Variants in EPHA3 observed in about 807,000 individuals in gnomAD.
The protein encoded by EPHA3 is ephrin type-A receptor 3.
In EPHA3, 42 loss-of-function variants were observed where a neutral mutation model predicts 107.1. The observed-to-expected ratio is 0.39, with a 90% CI of 0.31 to 0.51. The LOEUF (loss-of-function observed/expected upper bound fraction) is 0.51, where lower values mean the gene tolerates loss of function less well. Among genes scored for constraint, EPHA3 ranks in the 20% least tolerant of loss-of-function variants. EPHA3 has a pLI of 0.78. For missense variants in EPHA3, 1,183 were observed against 1,211.2 expected (o/e 0.98, Z 0.35); for synonymous variants, 461 against 424.8 (o/e 1.09, Z -1.05).
intron 2 of EPHA3, among the ~76,000 whole-genome samples, chr3:89,151,689 A>G (rs1484185650): frequency 1.3e-5 from 2 of 152,142 alleles, no homozygotes; most frequent in Admixed American, 6.6e-5. Context: ...ACTAATATAC[A>G]AACAATATAT....
intron 13 of EPHA3, among the ~76,000 whole-genome samples, chr3:89,448,326 C>T (rs142584643): frequency 3.9e-5 from 6 of 152,210 alleles, no homozygotes; most frequent in East Asian, 3.9e-4. Flanking sequence ...ATACCTATTT[C>T]GTTCTGTATC....
At position 89,407,281 on chromosome 3, in the gene EPHA3, C is replaced by G. The variant is rs777508142; in HGVS notation, c.1607C>G (p.Ser536Cys). ...TTCAACCTCACAGCTTTCTCCATCT[C>G]TGGTGAAAGTAGCCAAGTGGTCATG... ...FETSPDSFSISGESSQVVMIA... is the reference protein window; with the variant it reads ...FETSPDSFSICGESSQVVMIA... The change falls in exon 8 of 17, where the codon TCT becomes TGT. Residue 536 changes from serine to cysteine, a missense_variant. Coordinates refer to ENST00000336596, the MANE Select transcript of EPHA3 (RefSeq NM_005233.6). The G allele has an allele frequency of 1.9e-6, 3 of 1,612,942 alleles. No individual in the cohort carries two copies.
At chr3:89,383,870 G>A (rs558036634) in intron 5 of EPHA3, among the ~76,000 whole-genome samples, 1 of 151,504 alleles carries the variant, frequency 6.6e-6, no homozygotes, top group African/African-American at 2.4e-5. Flanking sequence ...GGATTGTCTC[G>A]ATCTCCTGAC....
intron 5 of EPHA3, among the ~76,000 whole-genome samples, chr3:89,354,647 G>A (rs1707905047): frequency 6.6e-6 from 1 of 151,072 alleles, no homozygotes; most frequent in African/African-American, 2.4e-5. Flanking sequence ...GGCCAAAGAG[G>A]TGAGAAGTTC....
At chr3:89,173,396 C>A (rs1705251171) in intron 2 of EPHA3, among the ~76,000 whole-genome samples, 1 of 152,054 alleles carries the variant, frequency 6.6e-6, no homozygotes, top group African/African-American at 2.4e-5. Flanking sequence ...GTACTTTTAA[C>A]TTCTCACAGC....
intron 2 of EPHA3, among the ~76,000 whole-genome samples, chr3:89,164,000 G>A (rs893869541): frequency 1.3e-5 from 2 of 152,100 alleles, no homozygotes; most frequent in Non-Finnish European, 2.9e-5. Flanking sequence ...ACAAACCAGA[G>A]TACCAAATAA....
intron 3 of EPHA3, among the ~76,000 whole-genome samples, chr3:89,219,984 A>G (rs955144886): frequency 6.6e-6 from 1 of 151,792 alleles, no homozygotes; most frequent in Admixed American, 6.6e-5. Flanking sequence ...CTGGGATTAC[A>G]GGCGTGAGCC....
intron 2 of EPHA3, among the ~76,000 whole-genome samples, chr3:89,141,998 A>T (rs573221668): frequency 6.6e-6 from 1 of 151,408 alleles, no homozygotes; most frequent in Admixed American, 6.6e-5. Context: ...AGAGTCAATT[A>T]TGGGTATTTT....
intron 1 of EPHA3, among the ~76,000 whole-genome samples, chr3:89,113,956 C>G (rs1325536707): frequency 6.6e-6 from 1 of 152,158 alleles, no homozygotes; most frequent in Non-Finnish European, 1.5e-5. Context: ...TGTTATTAAA[C>G]TAGAAGCCCT....
At chr3:89,255,212 T>TATG (rs1443781387) in intron 3 of EPHA3, among the ~76,000 whole-genome samples, 1 of 152,348 alleles carries the variant, frequency 6.6e-6, no homozygotes, top group Non-Finnish European at 1.5e-5. Flanking sequence ...GACGGAAGTC[T>TATG]ATGGTAGCAT....
At chr3:89,376,148 G>T (rs1458296680) in intron 5 of EPHA3, among the ~76,000 whole-genome samples, 1 of 151,754 alleles carries the variant, frequency 6.6e-6, no homozygotes, top group Non-Finnish European at 1.5e-5. Context: ...ATTTTAAAAA[G>T]ACCCTAGAAC....
intron 2 of EPHA3, among the ~76,000 whole-genome samples, chr3:89,146,369 C>T (rs377479084): frequency 6.6e-6 from 1 of 151,722 alleles, no homozygotes; most frequent in South Asian, 2.1e-4. Flanking sequence ...AAAAAAAAGT[C>T]ATAAAGTATT....
intron 2 of EPHA3, among the ~76,000 whole-genome samples, chr3:89,151,734 A>G (rs1229553048): frequency 6.6e-6 from 1 of 152,126 alleles, no homozygotes; most frequent in Admixed American, 6.6e-5. Context: ...TCAAACATGG[A>G]TATGTGTATA....
chr3:89,269,078 G>T (rs1238014987), intron 3 of EPHA3, among the ~76,000 whole-genome samples: 3 of 152,010 alleles, frequency 2.0e-5, no homozygotes, highest in Non-Finnish European at 4.4e-5. Context: ...AATCTACTTC[G>T]AGTGTTGCTT....
chr3:89,251,403 A>C (rs577791678), intron 3 of EPHA3, among the ~76,000 whole-genome samples: 2 of 152,216 alleles, frequency 1.3e-5, no homozygotes, highest in Admixed American at 6.5e-5. Flanking sequence ...CACAGTAACA[A>C]TTCTGGGCCA....
At chr3:89,334,373 G>A (rs1340816372) in intron 3 of EPHA3, among the ~76,000 whole-genome samples, 3 of 152,128 alleles carry the variant, frequency 2.0e-5, no homozygotes, top group Admixed American at 6.5e-5. Flanking sequence ...TAATTTCAAT[G>A]GCTAATTTTA....
intron 15 of EPHA3, among the ~76,000 whole-genome samples, chr3:89,467,025 G>A (rs1311980101): frequency 6.6e-6 from 1 of 152,002 alleles, no homozygotes; most frequent in Non-Finnish European, 1.5e-5. Context: ...TATGTACTAG[G>A]TTCCTGTTGG....
chr3:89,443,151 C>T (rs1709816166), intron 13 of EPHA3, among the ~76,000 whole-genome samples: 1 of 151,986 alleles, frequency 6.6e-6, no homozygotes, highest in African/African-American at 2.4e-5. Flanking sequence ...TGTGTGTAGA[C>T]TAAAATTATT....
rs146842800 is a variant in EPHA3 at position 89,169,506 on chromosome 3, A to G, written c.154-40354A>G. 9.0e-3 allele frequency among the ~76,000 whole-genome samples: 1,365 copies of G among 152,312 alleles called. 11 individuals carry two copies. Among genetic ancestry groups the G allele is most frequent in the East Asian group, 0.026 (137 of 5,180 alleles). On this transcript the variant is annotated intron_variant, in intron 2 of 16. Transcript: ENST00000336596. ...AAACTGCAATCTTAAATAAACTGCT[A>G]ATAAAATATATCAACTTGTTTGATA...
Sources: allele counts gnomAD v4.1 joint callset (sites outside exome capture counted in the v4.1 genomes callset), GRCh38; gene constraint gnomAD v4.1.1; transcripts MANE v1.5; gene names NCBI Gene and HGNC (gene_info 2026-07-23, HGNC 2026-07-21).